CDH8: variants seen among roughly 807,000 people sequenced by gnomAD.
The protein encoded by CDH8 is cadherin 8, also known as cadherin-8.
In CDH8, 17 loss-of-function variants were observed where a neutral mutation model predicts 68.1. That is an observed-to-expected ratio of 0.25 (90% CI 0.17 to 0.37). The LOEUF is 0.37. CDH8 is among the 10% of genes least tolerant of loss of function. CDH8 has a pLI of 1.00. For missense variants in CDH8, 763 were observed against 999.3 expected (o/e 0.76, Z 3.19); for synonymous variants, 372 against 365.1 (o/e 1.02, Z -0.21).
chr16:61,907,263 G>A (rs746620602), intron 2 of CDH8, among the ~76,000 whole-genome samples: 1 of 152,078 alleles, frequency 6.6e-6, no homozygotes, highest in Non-Finnish European at 1.5e-5. Flanking sequence ...AATAAGATGA[G>A]GATTGGGATT....
intron 7 of CDH8, among the ~76,000 whole-genome samples, chr16:61,812,587 G>GA (rs974890670): frequency 1.2e-4 from 18 of 148,058 alleles, no homozygotes; most frequent in East Asian, 3.9e-4. Flanking sequence ...TTTATGAAAG[G>GA]AAAAAAAAAA....
At chr16:61,737,170 G>A (rs1959720343) in intron 8 of CDH8, among the ~76,000 whole-genome samples, 1 of 152,106 alleles carries the variant, frequency 6.6e-6, no homozygotes, top group Non-Finnish European at 1.5e-5. Context: ...TTGGGAATTT[G>A]CTTTTAACTG....
At chr16:61,779,258 G>GCAGA (rs1187848603) in intron 8 of CDH8, among the ~76,000 whole-genome samples, 1 of 152,042 alleles carries the variant, frequency 6.6e-6, no homozygotes, top group Non-Finnish European at 1.5e-5. Context: ...AAATGCCCCT[G>GCAGA]CAGAGACTCT....
chr16:61,948,066 G>A (rs1228393218), intron 2 of CDH8, among the ~76,000 whole-genome samples: 2 of 152,084 alleles, frequency 1.3e-5, no homozygotes, highest in Non-Finnish European at 2.9e-5. Context: ...GCACAATAAT[G>A]AGAAAACCAC....
intron 3 of CDH8, among the ~76,000 whole-genome samples, chr16:61,889,230 C>T (rs1000831889): frequency 1.8e-4 from 27 of 152,104 alleles, no homozygotes; most frequent in African/African-American, 6.3e-4. Context: ...TATATATATA[C>T]ATGTGAAATT....
intron 8 of CDH8, among the ~76,000 whole-genome samples, chr16:61,760,171 G>C (rs1322199801): frequency 6.6e-6 from 1 of 152,056 alleles, no homozygotes; most frequent in Non-Finnish European, 1.5e-5. Context: ...GTCTGACCCT[G>C]TTTGGCCTTA....
At chr16:61,913,715 A>G (rs1236082618) in intron 2 of CDH8, among the ~76,000 whole-genome samples, 1 of 152,170 alleles carries the variant, frequency 6.6e-6, no homozygotes, top group Non-Finnish European at 1.5e-5. Flanking sequence ...AGGAAACCTG[A>G]CAACCAAAGA....
chr16:62,007,514 C>A (rs1300448194), intron 2 of CDH8, among the ~76,000 whole-genome samples: 2 of 152,156 alleles, frequency 1.3e-5, no homozygotes, highest in African/African-American at 4.8e-5. Flanking sequence ...TCAGATTGTT[C>A]CGACTTCATG....
chr16:62,022,459 G>A (rs1217612442), intron 1 of CDH8, among the ~76,000 whole-genome samples: 3 of 152,026 alleles, frequency 2.0e-5, no homozygotes, highest in Non-Finnish European at 4.4e-5. Flanking sequence ...ATTCAGAAAG[G>A]CAAGGGCACA....
intron 9 of CDH8, chr16:61,726,225 T>G (rs2142891535): frequency 6.6e-6 from 1 of 151,032 alleles, no homozygotes; most frequent in African/African-American, 2.4e-5. Flanking sequence ...CATCCAGAAA[T>G]AAATTAGGAA....
At chr16:61,848,255 C>T (rs937581946) in intron 4 of CDH8, among the ~76,000 whole-genome samples, 2 of 152,050 alleles carry the variant, frequency 1.3e-5, no homozygotes, top group Non-Finnish European at 1.5e-5. Flanking sequence ...CTAAACCCAT[C>T]CCAACGCATC....
At chr16:61,987,743 TG>T (rs1401486799) in intron 2 of CDH8, among the ~76,000 whole-genome samples, 1 of 150,408 alleles carries the variant, frequency 6.6e-6, no homozygotes, top group African/African-American at 2.5e-5. Flanking sequence ...TGTTTTAGAT[TG>T]GTAAAAAAAA....
At chr16:61,935,602 T>C (rs1461330573) in intron 2 of CDH8, among the ~76,000 whole-genome samples, 3 of 152,140 alleles carry the variant, frequency 2.0e-5, no homozygotes, top group Non-Finnish European at 4.4e-5. Context: ...AGCTATAAAA[T>C]TTTGTTTCTA....
At chr16:62,018,586 G>A (rs1411221205) in intron 2 of CDH8, among the ~76,000 whole-genome samples, 1 of 152,162 alleles carries the variant, frequency 6.6e-6, no homozygotes, top group Admixed American at 6.6e-5. Flanking sequence ...TTTTGGCTAC[G>A]CTACAACCCA....
chr16:61,989,857 A>G (rs983014204), intron 2 of CDH8, among the ~76,000 whole-genome samples: 2 of 152,190 alleles, frequency 1.3e-5, no homozygotes, highest in African/African-American at 2.4e-5. Context: ...ATCTTAAGAT[A>G]TTATATAACT....
chr16:61,662,301 C>T (rs1273036485), intron 10 of CDH8, among the ~76,000 whole-genome samples: 1 of 151,502 alleles, frequency 6.6e-6, no homozygotes, highest in Non-Finnish European at 1.5e-5. Flanking sequence ...TTAGCCTGCC[C>T]TCTCCCCTTA....
rs1022639688 is a variant in CDH8 at position 61,866,289 on chromosome 16, C to T, written c.548-9051G>A. On this transcript the variant is annotated intron_variant, in intron 3 of 11. Transcript: ENST00000577390. ...AAATGAACTAATCTATTCAATCACA[C>T]AATGGCTATTTGCACAGTATATACT... Among the ~76,000 whole-genome samples, 11 of 151,888 alleles carry T rather than the reference C, an allele frequency of 7.2e-5. No homozygotes were observed. The East Asian group carries it at 2.1e-3, about 29-fold the overall frequency.
At chr16:61,767,827 C>G (rs1321579008) in intron 8 of CDH8, among the ~76,000 whole-genome samples, 1 of 151,902 alleles carries the variant, frequency 6.6e-6, no homozygotes, top group Non-Finnish European at 1.5e-5. Flanking sequence ...AATAATATGT[C>G]TGCCAAAAGC....
chr16:61,848,212 C>T (rs1479949516), intron 4 of CDH8, among the ~76,000 whole-genome samples: 1 of 151,998 alleles, frequency 6.6e-6, no homozygotes, highest in Non-Finnish European at 1.5e-5. Flanking sequence ...GGATGAATGC[C>T]ACTGGGGAAT....
Sources: allele counts gnomAD v4.1 joint callset (sites outside exome capture counted in the v4.1 genomes callset), GRCh38; gene constraint gnomAD v4.1.1; transcripts MANE v1.5; gene names NCBI Gene and HGNC (gene_info 2026-07-23, HGNC 2026-07-21).